The following ROCK1 variants were observed in gnomAD, a reference collection of about 807,000 sequenced individuals.
The protein encoded by ROCK1 is rho-associated protein kinase 1.
In ROCK1, 36 loss-of-function variants were observed where a neutral mutation model predicts 196.8. The observed-to-expected ratio is 0.18, with a 90% CI of 0.14 to 0.24. The LOEUF (loss-of-function observed/expected upper bound fraction) is 0.24, where lower values mean the gene tolerates loss of function less well. Ranked by LOEUF, ROCK1 falls within the 10% of genes least tolerant of loss-of-function variation. The pLI, the probability that ROCK1 is intolerant of heterozygous loss-of-function variation, is 1.00. For synonymous variants in ROCK1, 443 were observed against 515.9 expected (o/e 0.86, Z 1.91); for missense variants, 920 against 1,562.0 (o/e 0.59, Z 6.93).
intron 19 of ROCK1, among the ~76,000 whole-genome samples, chr18:20,986,465 A>G (rs1457161645): frequency 6.6e-6 from 1 of 152,198 alleles, no homozygotes; most frequent in Non-Finnish European, 1.5e-5. Flanking sequence ...CAGTCTTAGA[A>G]ATAATTTCTA....
At chr18:21,007,578 G>A (rs1268410168) in intron 14 of ROCK1, among the ~76,000 whole-genome samples, 1 of 152,052 alleles carries the variant, frequency 6.6e-6, no homozygotes, top group Non-Finnish European at 1.5e-5. Context: ...AATAACTTAT[G>A]GAAGTGAAAT....
intron 9 of ROCK1, among the ~76,000 whole-genome samples, chr18:21,033,982 C>T (rs1255655088): frequency 1.4e-5 from 2 of 139,518 alleles, no homozygotes; most frequent in African/African-American, 2.7e-5. Context: ...TGCCGTGAGC[C>T]GAGATCGAGC....
At chr18:21,073,156 G>C (rs1195133838) in intron 1 of ROCK1, among the ~76,000 whole-genome samples, 1 of 140,238 alleles carries the variant, frequency 7.1e-6, no homozygotes, top group Non-Finnish European at 1.5e-5. Context: ...AAAAATTACA[G>C]TAATTAAATT....
intron 1 of ROCK1, among the ~76,000 whole-genome samples, chr18:21,102,671 T>C (rs1025783536): frequency 1.3e-5 from 2 of 152,126 alleles, no homozygotes; most frequent in Non-Finnish European, 2.9e-5. Context: ...GAGACCAGCC[T>C]GGGCAACATG....
At chr18:20,995,007 T>C (rs1249492531) in intron 16 of ROCK1, among the ~76,000 whole-genome samples, 5 of 151,832 alleles carry the variant, frequency 3.3e-5, no homozygotes, top group African/African-American at 1.2e-4. Flanking sequence ...ACACTAACAA[T>C]AAAGAAAAAA....
intron 1 of ROCK1, among the ~76,000 whole-genome samples, chr18:21,095,894 A>G (rs557834120): frequency 4.4e-4 from 67 of 152,238 alleles, no homozygotes; most frequent in Non-Finnish European, 6.8e-4. Flanking sequence ...TGGATACCTC[A>G]TTTTCCATGA....
chr18:21,041,989 T>G, intron 8 of ROCK1, 108 bp downstream of exon 8: 1 of 1,042,062 alleles, frequency 9.6e-7, no homozygotes, highest in Non-Finnish European at 1.4e-6. Flanking sequence ...TCACTGTCAT[T>G]TATATTCTAA....
At chr18:21,092,381 A>C (rs2036577690) in intron 1 of ROCK1, among the ~76,000 whole-genome samples, 1 of 152,110 alleles carries the variant, frequency 6.6e-6, no homozygotes, top group Non-Finnish European at 1.5e-5. Context: ...CAGGAGTTCA[A>C]GACCAGGCTG....
At chr18:21,018,612 C>T (rs1251952272) in intron 12 of ROCK1, among the ~76,000 whole-genome samples, 1 of 151,404 alleles carries the variant, frequency 6.6e-6, no homozygotes, top group Non-Finnish European at 1.5e-5. Context: ...CCCTTATTTA[C>T]ATATTTTATA....
At chr18:21,089,248 C>A (rs1365028050) in intron 1 of ROCK1, among the ~76,000 whole-genome samples, 2 of 152,002 alleles carry the variant, frequency 1.3e-5, no homozygotes, top group African/African-American at 4.8e-5. Context: ...TTAGTAGAGA[C>A]GGGGTTTCAC....
At chr18:21,041,987 A>T (rs2036111189) in intron 8 of ROCK1, 110 bp downstream of exon 8, 1 of 1,016,334 alleles carries the variant, frequency 9.8e-7, no homozygotes, top group Non-Finnish European at 1.4e-6. Flanking sequence ...TTTCACTGTC[A>T]TTTATATTCT....
At chr18:21,047,659 T>A (rs1302156681) in intron 4 of ROCK1, among the ~76,000 whole-genome samples, 49 of 152,096 alleles carry the variant, frequency 3.2e-4, no homozygotes, top group African/African-American at 1.2e-3. Flanking sequence ...CCGGGCGTGG[T>A]GGCAGGCACC....
chr18:21,048,207 A>G (rs1317473803), intron 4 of ROCK1, among the ~76,000 whole-genome samples: 1 of 152,208 alleles, frequency 6.6e-6, no homozygotes, highest in African/African-American at 2.4e-5. Context: ...AGAAAGGCCT[A>G]TGGCAATCAA....
At chr18:21,029,775 T>G (rs2035990803) in intron 9 of ROCK1, among the ~76,000 whole-genome samples, 1 of 152,084 alleles carries the variant, frequency 6.6e-6, no homozygotes, top group South Asian at 2.1e-4. Context: ...GGCTTGAATG[T>G]TACAAGGGGT....
At chr18:20,969,830 C>T (rs141562389) in intron 23 of ROCK1, 1 of 152,130 alleles carries the variant, frequency 6.6e-6, no homozygotes, top group African/African-American at 2.4e-5. Context: ...CTGATAGTGG[C>T]TTTACAAGAA....
intron 11 of ROCK1, among the ~76,000 whole-genome samples, chr18:21,020,719 G>C (rs548823379): frequency 2.3e-4 from 35 of 152,296 alleles, no homozygotes; most frequent in African/African-American, 8.2e-4. Context: ...CACAAGAAAG[G>C]CATTTTAGCT....
At chr18:21,044,237 G>A (rs1598541335) in intron 5 of ROCK1, 51 bp from the exon 6 acceptor site, 1 of 1,374,208 alleles carries the variant, frequency 7.3e-7, no homozygotes, top group Non-Finnish European at 1.0e-6. Context: ...ATTAGACACT[G>A]TAAAAATTAT....
At chr18:21,093,594 A>C (rs1292743405) in intron 1 of ROCK1, among the ~76,000 whole-genome samples, 1 of 151,996 alleles carries the variant, frequency 6.6e-6, no homozygotes, top group East Asian at 1.9e-4. Context: ...TACTGCCCTC[A>C]TTTTCCTGCA....
At chr18:20,991,508 A>G (rs1408690564) in intron 17 of ROCK1, among the ~76,000 whole-genome samples, 182 bp from the exon 18 acceptor site, 1 of 152,216 alleles carries the variant, frequency 6.6e-6, no homozygotes, top group African/African-American at 2.4e-5. Flanking sequence ...TGAATCATTA[A>G]TCATGGCGGA....
Sources: allele counts gnomAD v4.1 joint callset (sites outside exome capture counted in the v4.1 genomes callset), GRCh38; gene constraint gnomAD v4.1.1; transcripts MANE v1.5; gene names NCBI Gene and HGNC (gene_info 2026-07-23, HGNC 2026-07-21).